Variants in ADAMTS9 observed in about 807,000 individuals in gnomAD.
The protein encoded by ADAMTS9 is ADAM metallopeptidase with thrombospondin type 1 motif 9, also known as A disintegrin and metalloproteinase with thrombospondin motifs 9.
A neutral mutation model predicts 257.1 loss-of-function variants in ADAMTS9; 107 were observed. That is an observed-to-expected ratio of 0.42 (90% CI 0.36 to 0.49). ADAMTS9 has a LOEUF of 0.49. Ranked by LOEUF, ADAMTS9 falls within the 20% of genes least tolerant of loss-of-function variation. The pLI is 0.03. For synonymous variants in ADAMTS9, 982 were observed against 880.9 expected (o/e 1.11, Z -2.03); for missense variants, 2,353 against 2,469.1 (o/e 0.95, Z 1.00).
At chr3:64,646,517 C>A (rs1196200150) in intron 11 of ADAMTS9, among the ~76,000 whole-genome samples, 1 of 152,114 alleles carries the variant, frequency 6.6e-6, no homozygotes, top group East Asian at 1.9e-4. Context: ...GCTCTAGAAG[C>A]TATTACGCTT....
At chr3:64,597,096 A>C in intron 26 of ADAMTS9, 105 bp from the exon 27 acceptor site, 5 of 1,459,154 alleles carry the variant, frequency 3.4e-6, no homozygotes, top group Non-Finnish European at 4.6e-6. Context: ...AAGCATTCTC[A>C]AGTCATCCAC....
chr3:64,564,405 T>C (rs2083488401), intron 29 of ADAMTS9, among the ~76,000 whole-genome samples: 1 of 152,216 alleles, frequency 6.6e-6, no homozygotes, highest in African/African-American at 2.4e-5. Context: ...TTATATACTT[T>C]CTTCCAGGAT....
At chr3:64,655,283 C>T (rs979164610) in intron 6 of ADAMTS9, among the ~76,000 whole-genome samples, 5 of 152,282 alleles carry the variant, frequency 3.3e-5, no homozygotes, top group African/African-American at 9.6e-5. Context: ...TCTATAGGTT[C>T]GTGGTTCTCA....
chr3:64,602,263 T>C, intron 25 of ADAMTS9, 50 bp from the exon 26 acceptor site: 2 of 1,589,890 alleles, frequency 1.3e-6, no homozygotes, highest in Non-Finnish European at 1.7e-6. Context: ...GGTGGAGGGG[T>C]TGACAATTCC....
At chr3:64,617,488 C>G (rs534375525) in intron 19 of ADAMTS9, among the ~76,000 whole-genome samples, 1 of 152,270 alleles carries the variant, frequency 6.6e-6, no homozygotes, top group East Asian at 1.9e-4. Context: ...CTACCCCCTG[C>G]TTTGTAGTCT....
chr3:64,656,675 AT>A (rs1701078869), intron 4 of ADAMTS9, among the ~76,000 whole-genome samples: 1 of 152,102 alleles, frequency 6.6e-6, no homozygotes, highest in African/African-American at 2.4e-5. Flanking sequence ...GGCTGTGCAT[AT>A]GCGCAGGGCC....
chr3:64,629,972 G>A (rs1482023629), intron 16 of ADAMTS9, among the ~76,000 whole-genome samples: 3 of 152,206 alleles, frequency 2.0e-5, no homozygotes, highest in African/African-American at 4.8e-5. Flanking sequence ...AGCTGAATAT[G>A]TCCAAATGCT....
chr3:64,615,167 C>A, intron 21 of ADAMTS9, 154 bp downstream of exon 21: 1 of 876,274 alleles, frequency 1.1e-6, no homozygotes, highest in Middle Eastern at 2.5e-4. Flanking sequence ...AGTCATGGTG[C>A]AGGCAGAGAA....
intron 2 of ADAMTS9, among the ~76,000 whole-genome samples, chr3:64,685,824 T>G (rs1701889755): frequency 6.6e-6 from 1 of 151,982 alleles, no homozygotes; most frequent in Non-Finnish European, 1.5e-5. Context: ...GGACAGCCTC[T>G]CCAGGCTGTC....
intron 23 of ADAMTS9, among the ~76,000 whole-genome samples, chr3:64,605,941 A>G (rs575015934): frequency 2.6e-5 from 4 of 152,354 alleles, no homozygotes; most frequent in African/African-American, 9.6e-5. Context: ...CTCACAGAAT[A>G]CATTTGTTGA....
rs1186574925 is a variant in ADAMTS9 at position 64,541,580 on chromosome 3, T to G, written c.5238A>C (p.Lys1746Asn). The G allele has an allele frequency of 1.9e-6, 3 of 1,614,046 alleles. No individual in the cohort carries two copies. The highest frequency in any genetic ancestry group is 3.3e-5 in the Admixed American group (2 of 60,000). The stretch of plus-strand genomic sequence containing the variant: ...AATATTCACCATCTTCACTGGCACC[T>G]TTAAGTCTTTTTACCTCCTTGCAAT... ...PQNCKEVKRL[K>N]GASEDGEYFL... The change falls in exon 34 of 40, where the codon AAA (lysine) becomes AAC (asparagine). Residue 1746 changes from lysine (K) to asparagine (N), a missense_variant. Lys to Asn is a moderately conservative substitution (Grantham distance 94). This residue lies in a region of ADAMTS9 where 1,402 missense variants were observed against 1,441.4 expected (regional missense o/e 0.97). Coordinates refer to ENST00000498707, the MANE Select transcript of ADAMTS9 (RefSeq NM_182920.2).
rs1671055344 is a variant in ADAMTS9, at chr3:64,622,409, C to T, written c.2556+11G>A. ...AAGAAAAGGGTGGTGGGCTCATGGT[C>T]AAGTTTTTACCTGAAGCAAAAGTTC... On this transcript the variant is annotated intron_variant, in intron 17 of 39. Transcript: ENST00000498707. The T allele has an allele frequency of 2.5e-6, 4 of 1,613,574 alleles. No individual in the cohort carries two copies. The African/African-American group carries it at 5.3e-5, about 22-fold the overall frequency.
chr3:64,649,064 C>G (rs967726162), intron 10 of ADAMTS9, among the ~76,000 whole-genome samples: 1 of 152,070 alleles, frequency 6.6e-6, no homozygotes, highest in African/African-American at 2.4e-5. Flanking sequence ...CATCTGTAAC[C>G]GGATAACTGC....
intron 3 of ADAMTS9, among the ~76,000 whole-genome samples, chr3:64,673,837 A>G (rs1020614026): frequency 2.0e-5 from 3 of 152,138 alleles, no homozygotes; most frequent in African/African-American, 7.2e-5. Flanking sequence ...AAAGAAAAAT[A>G]AGCAAATGTA....
intron 11 of ADAMTS9, among the ~76,000 whole-genome samples, chr3:64,643,445 ATTTTTT>A (rs57471985): frequency 1.5e-3 from 95 of 61,428 alleles, no homozygotes; most frequent in African/African-American, 6.4e-3. Context: ...TTACTCAATA[ATTTTTT>A]TTTTTTTTTT....
intron 29 of ADAMTS9, among the ~76,000 whole-genome samples, chr3:64,567,184 T>A (rs2083565844): frequency 2.0e-5 from 3 of 152,194 alleles, no homozygotes; most frequent in African/African-American, 7.2e-5. Context: ...TTAGTCATAT[T>A]GAAATGGAGG....
At chr3:64,567,232 C>T (rs546679532) in intron 29 of ADAMTS9, among the ~76,000 whole-genome samples, 2 of 152,198 alleles carry the variant, frequency 1.3e-5, no homozygotes, top group East Asian at 3.9e-4. Context: ...ACGCTATGAC[C>T]AAAGCTGCTT....
chr3:64,631,836 C>T lies in ADAMTS9; in HGVS notation c.2265G>A (p.Val755=). 6.2e-7 allele frequency: 1 copy of T among 1,613,754 alleles called. No individual in the cohort carries two copies. The highest frequency in any genetic ancestry group is 1.1e-5 in the South Asian group (1 of 91,064). The change falls in exon 15 of 40, where the codon GTG becomes GTA. Residue 755 remains valine, a synonymous_variant. Transcript: ENST00000498707. ...AATGTACTGTATTAAATGTTCCTGC[C>T]ACTGTTTTGCATGAAGAATTATCGC... ...CGGDNSSCKT[V]AGTFNTVHYG... is the part of the protein sequence containing the mutation.
intron 3 of ADAMTS9, among the ~76,000 whole-genome samples, chr3:64,680,927 G>T (rs1043292382): frequency 6.6e-6 from 1 of 152,098 alleles, no homozygotes; most frequent in Non-Finnish European, 1.5e-5. Context: ...CAACAGAAAA[G>T]GTGGCTCTTC....
Sources: gnomAD v4.1 joint callset for allele counts (sites outside exome capture counted in the v4.1 genomes callset) on GRCh38, gnomAD v4.1.1 for gene constraint, gnomAD v4.1.1 regional missense constraint, MANE v1.5 for transcripts, NCBI Gene and HGNC (gene_info 2026-07-23, HGNC 2026-07-21) for gene names.